Variants in DLC1 observed in about 807,000 individuals in gnomAD.
DLC1 encodes rho GTPase-activating protein 7.
Under a neutral mutation model 140.3 loss-of-function variants are expected in DLC1, and 54 were observed. The ratio of observed to expected loss-of-function variants is 0.38; its 90% CI spans 0.31 to 0.48. The LOEUF is 0.48. DLC1 is among the 20% of genes least tolerant of loss of function. The probability of loss-of-function intolerance (pLI) is 0.96; values close to 1 mark genes in which losing one functional copy is unlikely to be tolerated. For synonymous variants in DLC1, 986 were observed against 728.1 expected, an observed-to-expected ratio of 1.35 and a Z score of -5.70; for missense variants, 2,536 against 1,907.0, an observed-to-expected ratio of 1.33 and a Z score of -6.14.
intron 2 of DLC1, among the ~76,000 whole-genome samples, chr8:13,442,067 G>A (rs1798538201): frequency 6.6e-6 from 1 of 152,136 alleles, no homozygotes; most frequent in Non-Finnish European, 1.5e-5. Context: ...ACAACTATCT[G>A]ATCTTTGACA....
intron 7 of DLC1, among the ~76,000 whole-genome samples, chr8:13,103,226 G>T (rs7386486): frequency 2.8e-4 from 43 of 152,054 alleles, no homozygotes; most frequent in Admixed American, 5.2e-4. Flanking sequence ...CAGGAGAATG[G>T]CGTGAACCCG....
intron 2 of DLC1, among the ~76,000 whole-genome samples, chr8:13,464,638 T>C (rs2117038937): frequency 6.6e-6 from 1 of 151,880 alleles, no homozygotes; most frequent in South Asian, 2.1e-4. Flanking sequence ...TTTACCTTTG[T>C]GCTCCTCTCC....
chr8:13,312,927 A>T (rs6993409), intron 4 of DLC1, among the ~76,000 whole-genome samples: 1 of 152,132 alleles, frequency 6.6e-6, no homozygotes, highest in Non-Finnish European at 1.5e-5. Context: ...TCAGAGACCA[A>T]TTGACTCAAA....
chr8:13,472,198 A>G (rs966412152), intron 2 of DLC1, among the ~76,000 whole-genome samples: 3 of 152,194 alleles, frequency 2.0e-5, no homozygotes, highest in African/African-American at 7.2e-5. Flanking sequence ...AATGGTTGAG[A>G]GACTGAGAGC....
intron 5 of DLC1, among the ~76,000 whole-genome samples, chr8:13,144,380 C>A (rs765239308): frequency 2.0e-5 from 3 of 152,126 alleles, no homozygotes; most frequent in African/African-American, 4.8e-5. Context: ...TGAACTGAGC[C>A]GTGCTATCAG....
intron 2 of DLC1, among the ~76,000 whole-genome samples, chr8:13,433,022 G>A (rs1042395007): frequency 1.4e-5 from 2 of 144,876 alleles, no homozygotes; most frequent in Non-Finnish European, 3.0e-5. Context: ...AAAAGAGTCA[G>A]TTTGGAAGGA....
chr8:13,230,138 A>G (rs1039210487), intron 5 of DLC1, among the ~76,000 whole-genome samples: 5 of 152,242 alleles, frequency 3.3e-5, no homozygotes, highest in African/African-American at 4.8e-5. Flanking sequence ...AACAGGCGAG[A>G]AACGGCATTG....
At chr8:13,255,052 C>G (rs1000942062) in intron 5 of DLC1, among the ~76,000 whole-genome samples, 5 of 152,046 alleles carry the variant, frequency 3.3e-5, no homozygotes, top group Non-Finnish European at 7.4e-5. Context: ...TCTCGGCTCA[C>G]TGCAACCTCT....
chr8:13,345,387 C>G (rs1197621880), intron 4 of DLC1, among the ~76,000 whole-genome samples: 2 of 151,538 alleles, frequency 1.3e-5, no homozygotes, highest in Non-Finnish European at 2.9e-5. Context: ...GAAAATGATT[C>G]TCCTTGAATC....
chr8:13,473,085 G>A (rs1420607367), intron 2 of DLC1, among the ~76,000 whole-genome samples: 1 of 152,184 alleles, frequency 6.6e-6, no homozygotes, highest in East Asian at 1.9e-4. Context: ...TTATTATGCA[G>A]GTCAGGGGGT....
At chr8:13,341,354 G>A (rs1834038210) in intron 4 of DLC1, 1 of 152,188 alleles carries the variant, frequency 6.6e-6, no homozygotes, top group Admixed American at 6.5e-5. Context: ...GAACGGACAT[G>A]TGCTATGCCT....
At chr8:13,365,893 C>A (rs980365432) in intron 4 of DLC1, among the ~76,000 whole-genome samples, 1 of 152,210 alleles carries the variant, frequency 6.6e-6, no homozygotes, top group Non-Finnish European at 1.5e-5. Flanking sequence ...CCAAGATATT[C>A]ATTTCCCTGA....
chr8:13,261,391 G>T (rs1023398377), intron 5 of DLC1, among the ~76,000 whole-genome samples: 1 of 152,174 alleles, frequency 6.6e-6, no homozygotes, highest in Non-Finnish European at 1.5e-5. Context: ...GGAAGAGTAG[G>T]TAGGCCCCAG....
intron 1 of DLC1, among the ~76,000 whole-genome samples, chr8:13,577,194 G>T (rs1057106151): frequency 6.6e-6 from 1 of 152,102 alleles, no homozygotes; most frequent in Non-Finnish European, 1.5e-5. Context: ...CTTTATAATA[G>T]GTTTCACTCC....
At chr8:13,330,438 G>A (rs1055886683) in intron 4 of DLC1, among the ~76,000 whole-genome samples, 2 of 152,200 alleles carry the variant, frequency 1.3e-5, no homozygotes, top group Non-Finnish European at 2.9e-5. Context: ...GGTCTACCTT[G>A]CTGAGCTAGG....
chr8:13,567,935 TTAATGA>T (rs1804512480), intron 1 of DLC1: 1 of 1,547,778 alleles, frequency 6.5e-7, no homozygotes, highest in African/African-American at 1.4e-5. Context: ...CTGGTGATTG[TTAATGA>T]TAATGTGTAA....
chr8:13,116,969 T>C (rs1453823479), intron 5 of DLC1, among the ~76,000 whole-genome samples: 1 of 152,218 alleles, frequency 6.6e-6, no homozygotes, highest in Non-Finnish European at 1.5e-5. Flanking sequence ...GTGACATCAG[T>C]GTGGAAGAAC....
intron 2 of DLC1, among the ~76,000 whole-genome samples, chr8:13,450,567 A>G (rs193255063): frequency 6.8e-4 from 104 of 152,098 alleles, no homozygotes; most frequent in African/African-American, 2.4e-3. Flanking sequence ...TGAATTTGAA[A>G]ACTATATTTT....
intron 2 of DLC1, among the ~76,000 whole-genome samples, chr8:13,496,046 G>C (rs1239867435): frequency 6.6e-6 from 1 of 152,050 alleles, no homozygotes; most frequent in African/African-American, 2.4e-5. Flanking sequence ...TTATCTTACG[G>C]GTATTACTAT....
Sources: allele counts gnomAD v4.1 joint callset (sites outside exome capture counted in the v4.1 genomes callset), GRCh38; gene constraint gnomAD v4.1.1; transcripts MANE v1.5; gene names NCBI Gene and HGNC (gene_info 2026-07-23, HGNC 2026-07-21).